The following VAV2 variants were observed in gnomAD, a reference collection of about 807,000 sequenced individuals.
The protein encoded by VAV2 is vav guanine nucleotide exchange factor 2, also known as guanine nucleotide exchange factor VAV2.
In VAV2, 67 loss-of-function variants were observed where a neutral mutation model predicts 132.5. That is an observed-to-expected ratio of 0.51 (90% CI 0.42 to 0.62). The LOEUF (loss-of-function observed/expected upper bound fraction) is 0.62. Ranked by LOEUF, VAV2 falls within the 20% of genes least tolerant of loss-of-function variation. The probability of loss-of-function intolerance (pLI) is 0.00; values close to 1 mark genes in which losing one functional copy is unlikely to be tolerated. For missense variants in VAV2, 938 were observed against 1,153.6 expected (o/e 0.81, Z 2.71); for synonymous variants, 492 against 443.5 (o/e 1.11, Z -1.37).
chr9:133,971,230 C>T (rs1049386338), intron 1 of VAV2, among the ~76,000 whole-genome samples: 1 of 152,176 alleles, frequency 6.6e-6, no homozygotes, highest in African/African-American at 2.4e-5. Flanking sequence ...TGAGGCCTGT[C>T]GGGGGCAGGG....
intron 2 of VAV2, among the ~76,000 whole-genome samples, chr9:133,890,790 A>T (rs566471972): frequency 6.6e-6 from 1 of 152,228 alleles, no homozygotes; most frequent in South Asian, 2.1e-4. Flanking sequence ...TGAAGCACTT[A>T]GGTGGAAGCC....
intron 1 of VAV2, among the ~76,000 whole-genome samples, chr9:133,987,300 C>G (rs575485969): frequency 0.032 from 4,840 of 152,286 alleles, 106 homozygotes; most frequent in Non-Finnish European, 0.048. Flanking sequence ...AGAGAGAAAC[C>G]TGGAACAGTG....
chr9:133,795,776 G>T (rs1231830771), intron 11 of VAV2, 40 bp from the exon 12 acceptor site: 1 of 1,604,484 alleles, frequency 6.2e-7, no homozygotes, highest in East Asian at 2.2e-5. Context: ...ACCACTCGGG[G>T]GTTCTGGCCT....
intron 1 of VAV2, among the ~76,000 whole-genome samples, chr9:133,972,152 G>A (rs1842356674): frequency 6.6e-6 from 1 of 152,164 alleles, no homozygotes; most frequent in African/African-American, 2.4e-5. Context: ...AATTCGGGCC[G>A]CACAGATCAG....
chr9:133,955,915 C>G (rs559205615), intron 1 of VAV2, among the ~76,000 whole-genome samples: 99 of 150,002 alleles, frequency 6.6e-4, no homozygotes, highest in African/African-American at 2.3e-3. Context: ...CTGCCGCTTC[C>G]GCTCAGCACA....
At chr9:133,922,174 A>G (rs1192659988) in intron 2 of VAV2, among the ~76,000 whole-genome samples, 2 of 152,242 alleles carry the variant, frequency 1.3e-5, no homozygotes, top group Non-Finnish European at 2.9e-5. Context: ...GTGGTGGGGC[A>G]GCACCCACCT....
rs1355827394 is a variant in VAV2 at position 133,934,131 on chromosome 9, GGATA to G, written c.321+4968_321+4971del. ...ATGATGGATAGATGGATGGATGGATGGATAAATGGATGGATGAGTGAATGAACGA... is the reference window on the plus strand; with the variant it reads ...ATGATGGATAGATGGATGGATGGATGAATGGATGGATGAGTGAATGAACGA... On this transcript the variant is annotated intron_variant, in intron 2 of 29. Coordinates refer to ENST00000371850, the MANE Select transcript of VAV2 (RefSeq NM_001134398.2). 3.3e-5 allele frequency among the ~76,000 whole-genome samples: 5 copies of G among 152,254 alleles called. No individual in the cohort carries two copies. The East Asian group carries it at 9.6e-4, about 29-fold the overall frequency.
rs138885451 is a variant in VAV2 at position 133,955,853 on chromosome 9, G to A, written c.205-16634C>T. ...CCACAGCTCTGGCCTCCCCCAGCCCGAGGGGAGCCCTCTAAACCCTCCAGC... is the reference window on the plus strand; with the variant it reads ...CCACAGCTCTGGCCTCCCCCAGCCCAAGGGGAGCCCTCTAAACCCTCCAGC... On this transcript the variant is annotated intron_variant, in intron 1 of 29. Transcript: ENST00000371850. Among the ~76,000 whole-genome samples the A allele has an allele frequency of 3.7e-3, 463 of 126,482 alleles. 1 individual carries two copies. Among genetic ancestry groups the A allele is most frequent in the Non-Finnish European group, 5.2e-3 (316 of 60,866 alleles). The allele number at this position is 126,482 out of a possible 152,430, so 83.0% of individuals were successfully genotyped here. A position where few individuals can be genotyped will look rare whatever the true frequency, so the allele number is the denominator to read the frequency against.
Position 133,812,234 on chromosome 9 carries a change from G to A in VAV2, c.450-18C>T. 3 of 1,612,078 alleles carry A rather than the reference G, an allele frequency of 1.9e-6. No individual in the cohort carries two copies. The highest frequency in any genetic ancestry group is 2.2e-5 in the South Asian group (2 of 91,064). On this transcript the variant is annotated intron_variant, in intron 4 of 29. Transcript: ENST00000371850. The stretch of plus-strand genomic sequence containing the variant: ...CATGCTCGCTGCACAGGAGGAGGCG[G>A]GTTAGAGGGGAGGGGAGGCTCCCGC...
chr9:133,907,244 G>A lies in VAV2; in HGVS notation c.321+31859C>T, dbSNP rs142190493. 4.6e-3 allele frequency among the ~76,000 whole-genome samples: 702 copies of A among 152,172 alleles called. 14 individuals carry two copies. The highest frequency in any genetic ancestry group is 0.041 in the Admixed American group (620 of 15,290). On this transcript the variant is annotated intron_variant, in intron 2 of 29. Coordinates refer to ENST00000371850, the MANE Select transcript of VAV2 (RefSeq NM_001134398.2). ...TCATCCTCGCTCCCTACAGACCATC[G>A]AACCCAGCAAGCCCTGCCCTGCCCA...
At chr9:133,899,005 T>C (rs1225307050) in intron 2 of VAV2, among the ~76,000 whole-genome samples, 2 of 151,786 alleles carry the variant, frequency 1.3e-5, no homozygotes, top group East Asian at 4.0e-4. Flanking sequence ...GTATTTTTAG[T>C]GGCGATGGGG....
At chr9:133,864,730 G>A (rs1329917345) in intron 2 of VAV2, among the ~76,000 whole-genome samples, 2 of 152,234 alleles carry the variant, frequency 1.3e-5, no homozygotes, top group South Asian at 2.1e-4. Flanking sequence ...CTGGCCAGAC[G>A]GGTAACGCCA....
chr9:133,876,386 G>C (rs769750007), intron 2 of VAV2, among the ~76,000 whole-genome samples: 9 of 152,240 alleles, frequency 5.9e-5, no homozygotes, highest in South Asian at 4.1e-4. Context: ...GGGGGCAAGG[G>C]ACGGGGTGGG....
intron 2 of VAV2, among the ~76,000 whole-genome samples, chr9:133,882,691 G>C (rs936503819): frequency 1.3e-5 from 2 of 152,150 alleles, no homozygotes; most frequent in Non-Finnish European, 2.9e-5. Context: ...TGCGGCACCA[G>C]GTCCGTGATA....
rs548741004 is a variant in VAV2 at position 133,794,715 on chromosome 9, G to A, written c.1101+953C>T. ...CGACGAGGGAGATGTGGGGGGGGTC[G>A]TCATCCCTCCACCCAGATGCAGCTG... On this transcript the variant is annotated intron_variant, in intron 12 of 29. Transcript: ENST00000371850. This position sits in a 1 kb window ranked among gnomAD's most constrained non-coding sequence, Gnocchi z 4.6. Among the ~76,000 whole-genome samples, 4 of 152,258 alleles carry A rather than the reference G, an allele frequency of 2.6e-5. No homozygotes were observed. The highest frequency in any genetic ancestry group is 2.1e-4 in the South Asian group (1 of 4,824).
intron 14 of VAV2, among the ~76,000 whole-genome samples, chr9:133,789,026 C>T (rs1421089603): frequency 6.6e-6 from 1 of 152,232 alleles, no homozygotes; most frequent in Non-Finnish European, 1.5e-5. Flanking sequence ...TCATCTTTGG[C>T]TGCCCCAGCC....
chr9:133,856,327 G>A lies in VAV2; in HGVS notation c.380+5047C>T, dbSNP rs1837382870. Among the ~76,000 whole-genome samples, 3 of 152,232 alleles carry A rather than the reference G, an allele frequency of 2.0e-5. No homozygotes were observed. The South Asian group carries it at 6.2e-4, about 32-fold the overall frequency. On this transcript the variant is annotated intron_variant, in intron 3 of 29. Coordinates refer to ENST00000371850, the MANE Select transcript of VAV2 (RefSeq NM_001134398.2). Reference sequence around the variant, plus strand: ...TTACAAGTCAGAAAGCAGAAGAGAGGGTGGCAGGGCTGGGCCAGGATGAGA... The same window carrying A: ...TTACAAGTCAGAAAGCAGAAGAGAGAGTGGCAGGGCTGGGCCAGGATGAGA...
At chr9:133,874,795 A>C (rs1838198638) in intron 2 of VAV2, among the ~76,000 whole-genome samples, 1 of 151,926 alleles carries the variant, frequency 6.6e-6, no homozygotes, top group South Asian at 2.1e-4. Flanking sequence ...GCAGATTCCC[A>C]TGTGGGACCC....
At chr9:133,942,909 C>A (rs549185002) in intron 1 of VAV2, among the ~76,000 whole-genome samples, 12 of 152,170 alleles carry the variant, frequency 7.9e-5, no homozygotes, top group Non-Finnish European at 1.2e-4. Context: ...TGGCAGAGAC[C>A]GGGACAAAGC....
Sources: gnomAD v4.1 joint callset for allele counts (sites outside exome capture counted in the v4.1 genomes callset) on GRCh38, gnomAD v4.1.1 for gene constraint, Gnocchi (gnomAD v3.1) non-coding constraint, MANE v1.5 for transcripts, NCBI Gene and HGNC (gene_info 2026-07-23, HGNC 2026-07-21) for gene names.